Variants in ULK4 observed in about 807,000 individuals in gnomAD.
ULK4 encodes unc-51 like kinase 4, also known as inactive serine/threonine-protein kinase ULK4.
Under a neutral mutation model 160.6 loss-of-function variants are expected in ULK4, and 133 were observed. The observed-to-expected ratio is 0.83, with a 90% CI of 0.72 to 0.96. The LOEUF is 0.96. Ranked by LOEUF, ULK4 falls within the 40% of genes least tolerant of loss-of-function variation. The pLI, the probability that ULK4 is intolerant of heterozygous loss-of-function variation, is 0.00. For synonymous variants in ULK4, 534 were observed against 539.8 expected, an observed-to-expected ratio of 0.99 and a Z score of 0.15; for missense variants, 1,580 against 1,499.5, an observed-to-expected ratio of 1.05 and a Z score of -0.89.
chr3:41,605,520 A>C (rs58050801), intron 31 of ULK4, among the ~76,000 whole-genome samples: 9,453 of 152,092 alleles, frequency 0.062, 433 homozygotes, highest in African/African-American at 0.13. Flanking sequence ...GGGTCATCTC[A>C]TAATGATAAA....
chr3:41,348,084 C>T (rs564703458), intron 35 of ULK4, among the ~76,000 whole-genome samples: 29 of 151,760 alleles, frequency 1.9e-4, no homozygotes, highest in South Asian at 1.5e-3. Flanking sequence ...TGGCATGCAT[C>T]TGTAGTCCCA....
intron 18 of ULK4, among the ~76,000 whole-genome samples, chr3:41,834,539 A>G (rs2041697073): frequency 6.6e-6 from 1 of 152,220 alleles, no homozygotes; most frequent in Admixed American, 6.5e-5. Flanking sequence ...AATAGTCAAG[A>G]CACTCACAAA....
chr3:41,724,079 A>G (rs1045671746), intron 22 of ULK4, among the ~76,000 whole-genome samples: 1 of 152,218 alleles, frequency 6.6e-6, no homozygotes. Context: ...TCATAAGGAG[A>G]TCAAACATTA....
chr3:41,444,443 T>TA (rs962599270), intron 34 of ULK4, among the ~76,000 whole-genome samples: 4 of 152,028 alleles, frequency 2.6e-5, no homozygotes, highest in African/African-American at 9.7e-5. Context: ...GAATTTGTTA[T>TA]AAGTTGTGGA....
intron 35 of ULK4, among the ~76,000 whole-genome samples, chr3:41,375,123 G>A (rs185492534): frequency 0.013 from 2,019 of 152,230 alleles, 16 homozygotes; most frequent in Non-Finnish European, 0.018. Context: ...ACTGCTCGAC[G>A]AAATAAAAGA....
chr3:41,844,577 C>T (rs2042017816), intron 17 of ULK4, among the ~76,000 whole-genome samples: 4 of 152,148 alleles, frequency 2.6e-5, no homozygotes, highest in African/African-American at 7.2e-5. Flanking sequence ...CTGAGGGAGC[C>T]GGCTCCAGCC....
In ULK4 at chr3:41,762,975, C is replaced by T. The variant is rs1354662299; in HGVS notation, c.2194-8487G>A. On this transcript the variant is annotated intron_variant, in intron 21 of 36. Transcript: ENST00000301831. Reference sequence around the variant, plus strand: ...ACTGTGCCTGGCCAGAAGTGCCGCACTTTAAAACCATCAGCTCTTGTGAGA... The same window carrying T: ...ACTGTGCCTGGCCAGAAGTGCCGCATTTTAAAACCATCAGCTCTTGTGAGA... 3.9e-5 allele frequency among the ~76,000 whole-genome samples: 6 copies of T among 152,152 alleles called. No homozygotes were observed. The South Asian group carries it at 6.2e-4, about 16-fold the overall frequency.
At chr3:41,374,284 TTATAAGGC>T (rs2081431772) in intron 35 of ULK4, among the ~76,000 whole-genome samples, 1 of 152,202 alleles carries the variant, frequency 6.6e-6, no homozygotes, top group Non-Finnish European at 1.5e-5. Flanking sequence ...CTAACTCATT[TTATAAGGC>T]CAGCATCATC....
chr3:41,496,052 AAGT>A (rs1445316148), intron 32 of ULK4, among the ~76,000 whole-genome samples: 2 of 152,096 alleles, frequency 1.3e-5, no homozygotes, highest in Admixed American at 6.6e-5. Flanking sequence ...TCAAACAATA[AAGT>A]AGTATTTGTA....
intron 32 of ULK4, among the ~76,000 whole-genome samples, chr3:41,513,883 T>C (rs2085665553): frequency 6.6e-6 from 1 of 152,104 alleles, no homozygotes; most frequent in South Asian, 2.1e-4. Context: ...GGGTGATGGA[T>C]GCATCATAAT....
intron 22 of ULK4, among the ~76,000 whole-genome samples, chr3:41,735,062 A>G (rs771995048): frequency 3.9e-5 from 6 of 152,208 alleles, no homozygotes; most frequent in Non-Finnish European, 8.8e-5. Context: ...TGCTAACTAC[A>G]AAGAGAGGGA....
At chr3:41,819,344 G>T in intron 19 of ULK4, 79 bp downstream of exon 19, 1 of 1,365,526 alleles carries the variant, frequency 7.3e-7, no homozygotes, top group Non-Finnish European at 1.0e-6. Context: ...CTGCACTGCT[G>T]CAGGCTACAA....
chr3:41,746,969 A>C (rs1242254676), intron 22 of ULK4, among the ~76,000 whole-genome samples: 5 of 151,984 alleles, frequency 3.3e-5, no homozygotes, highest in Non-Finnish European at 7.3e-5. Context: ...AACCAAAAGA[A>C]AACCTCTAAC....
chr3:41,875,339 G>C (rs1227021132), intron 17 of ULK4, among the ~76,000 whole-genome samples: 3 of 152,164 alleles, frequency 2.0e-5, no homozygotes, highest in Non-Finnish European at 4.4e-5. Flanking sequence ...GATCACTTGA[G>C]CCCAGGAGTT....
chr3:41,575,078 C>T (rs2088140610), intron 31 of ULK4, among the ~76,000 whole-genome samples: 2 of 152,186 alleles, frequency 1.3e-5, no homozygotes, highest in South Asian at 4.1e-4. Flanking sequence ...TGCTTTCAAT[C>T]CGGCATTATG....
rs1226594385 is a variant in ULK4, at chr3:41,776,391, T to A, written c.2193+13270A>T. Among the ~76,000 whole-genome samples, 2 of 150,856 alleles carry A rather than the reference T, an allele frequency of 1.3e-5. 1 individual carries two copies. The highest frequency in any genetic ancestry group is 5.0e-5 in the African/African-American group (2 of 40,170). On this transcript the variant is annotated intron_variant, in intron 21 of 36. Coordinates refer to ENST00000301831, the MANE Select transcript of ULK4 (RefSeq NM_017886.4). ...CAGTTATGTAAATTTTCTTTTAAGT[T>A]TTTTTCAAGTTTTCCTTTTCATATT...
chr3:41,542,168 G>C (rs1467708308), intron 32 of ULK4, among the ~76,000 whole-genome samples: 1 of 152,056 alleles, frequency 6.6e-6, no homozygotes, highest in Non-Finnish European at 1.5e-5. Context: ...ATAAACAGCT[G>C]TTATTATTTT....
intron 32 of ULK4, among the ~76,000 whole-genome samples, chr3:41,506,754 G>T (rs1165702280): frequency 9.0e-5 from 1 of 11,120 alleles, no homozygotes; most frequent in Non-Finnish European, 3.4e-4. Flanking sequence ...CAATACACTG[G>T]AGTGTGATTT....
intron 32 of ULK4, among the ~76,000 whole-genome samples, chr3:41,531,134 C>G (rs971631275): frequency 6.7e-6 from 1 of 150,110 alleles, no homozygotes; most frequent in Non-Finnish European, 1.5e-5. Context: ...TTATGATACA[C>G]AGTAGTAAAG....
Sources: gnomAD v4.1 joint callset for allele counts (sites outside exome capture counted in the v4.1 genomes callset) on GRCh38, gnomAD v4.1.1 for gene constraint, MANE v1.5 for transcripts, NCBI Gene and HGNC (gene_info 2026-07-23, HGNC 2026-07-21) for gene names.